The following GALNT13 variants were observed in gnomAD, a reference collection of about 807,000 sequenced individuals.
GALNT13 encodes UDP-GalNAc:polypeptide N-acetylgalactosaminyltransferase 13.
Under a neutral mutation model 64.2 loss-of-function variants are expected in GALNT13, and 28 were observed. The ratio of observed to expected loss-of-function variants is 0.44; its 90% confidence interval spans 0.32 to 0.60. The LOEUF (loss-of-function observed/expected upper bound fraction) is 0.60. GALNT13 is among the 20% of genes least tolerant of loss of function. GALNT13 has a pLI of 0.05. For missense variants in GALNT13, 577 were observed against 669.8 expected, an observed-to-expected ratio of 0.86 and a Z score of 1.53; for synonymous variants, 214 against 224.6, an observed-to-expected ratio of 0.95 and a Z score of 0.42.
chr2:153,797,233 C>G, the GALNT13 span, among the ~76,000 whole-genome samples: 2 of 152,096 alleles, frequency 1.3e-5, no homozygotes, highest in African/African-American at 4.8e-5. Flanking sequence ...GTAAAAGCAT[C>G]TAGTACTCAG....
the GALNT13 span, among the ~76,000 whole-genome samples, chr2:153,501,295 T>TTTG: frequency 2.1e-3 from 325 of 152,142 alleles, 1 homozygote; most frequent in African/African-American, 7.5e-3. Flanking sequence ...CACCTCCTTT[T>TTTG]TTGTTGTTGT....
At chr2:153,421,882 C>T in the GALNT13 span, 1 of 138,130 alleles carries the variant, frequency 7.2e-6, no homozygotes, top group Non-Finnish European at 1.4e-5. Context: ...TGCTTTGTTC[C>T]AGGTAGTAGA....
rs1175859019 is a variant in GALNT13 at position 154,375,268 on chromosome 2, T to TCAAGCC, written c.1157-20723_1157-20722insCAAGCC. On this transcript the variant is annotated intron_variant, in intron 9 of 12. Transcript: ENST00000392825. The stretch of plus-strand genomic sequence containing the variant: ...CTCCCAAAGTGCTGAGATCACAGGC[T>TCAAGCC]TGAGCCACCGCATCCAGCCAGAAAA... Among the ~76,000 whole-genome samples the TCAAGCC allele has an allele frequency of 6.0e-3, 916 of 152,202 alleles. 4 individuals are homozygous for TCAAGCC. Among genetic ancestry groups the TCAAGCC allele is most frequent in the Middle Eastern group, 0.02 (6 of 294 alleles).
chr2:153,633,251 C>A, the GALNT13 span, among the ~76,000 whole-genome samples: 1 of 152,008 alleles, frequency 6.6e-6, no homozygotes, highest in Non-Finnish European at 1.5e-5. Flanking sequence ...TTCCCCTATC[C>A]CTCAGGTTGT....
chr2:153,234,885 A>T, the GALNT13 span, among the ~76,000 whole-genome samples: 1 of 152,202 alleles, frequency 6.6e-6, no homozygotes, highest in South Asian at 2.1e-4. Context: ...AATTACAGGC[A>T]TATGCCATTT....
At chr2:153,450,173 A>G in the GALNT13 span, among the ~76,000 whole-genome samples, 1 of 152,168 alleles carries the variant, frequency 6.6e-6, no homozygotes, top group Non-Finnish European at 1.5e-5. Context: ...CAGATTAGTA[A>G]TGTGAAGCCT....
At chr2:153,596,540 T>A in the GALNT13 span, among the ~76,000 whole-genome samples, 1 of 152,048 alleles carries the variant, frequency 6.6e-6, no homozygotes, top group Non-Finnish European at 1.5e-5. Flanking sequence ...AAGATTTAAG[T>A]GGAAAGATAT....
chr2:154,042,120 G>A (rs1186215428), intron 3 of GALNT13, among the ~76,000 whole-genome samples: 1 of 140,070 alleles, frequency 7.1e-6, no homozygotes, highest in African/African-American at 2.5e-5. Flanking sequence ...AAGTCATAGA[G>A]ATTATATACT....
the GALNT13 span, among the ~76,000 whole-genome samples, chr2:153,557,915 G>C: frequency 6.6e-6 from 1 of 152,140 alleles, no homozygotes; most frequent in African/African-American, 2.4e-5. Context: ...TGTGCCCAGA[G>C]TATACCTTTT....
intron 1 of GALNT13, among the ~76,000 whole-genome samples, chr2:153,886,065 A>G (rs1466558375): frequency 1.3e-5 from 2 of 151,964 alleles, no homozygotes; most frequent in African/African-American, 4.8e-5. Context: ...CCCATAGTGT[A>G]GGATACGTAT....
At chr2:154,389,340 T>A (rs1188719233) in intron 9 of GALNT13, among the ~76,000 whole-genome samples, 1 of 152,182 alleles carries the variant, frequency 6.6e-6, no homozygotes, top group East Asian at 1.9e-4. Context: ...GGTATCACCA[T>A]CTTGGCCACG....
the GALNT13 span, among the ~76,000 whole-genome samples, chr2:153,430,936 G>A: frequency 6.6e-6 from 1 of 151,928 alleles, no homozygotes; most frequent in African/African-American, 2.4e-5. Flanking sequence ...CGGATCACAA[G>A]GTCAGGAGTT....
At chr2:154,387,881 C>G (rs1698591903) in intron 9 of GALNT13, among the ~76,000 whole-genome samples, 1 of 152,124 alleles carries the variant, frequency 6.6e-6, no homozygotes, top group South Asian at 2.1e-4. Context: ...CTGCAGTGAA[C>G]AAGCGAGTGC....
chr2:154,339,183 G>T (rs1158799945), intron 9 of GALNT13, among the ~76,000 whole-genome samples: 1 of 152,040 alleles, frequency 6.6e-6, no homozygotes, highest in Non-Finnish European at 1.5e-5. Flanking sequence ...TACTGGTGTG[G>T]ATTTCTCATA....
At chr2:153,773,123 G>C in the GALNT13 span, among the ~76,000 whole-genome samples, 1 of 152,224 alleles carries the variant, frequency 6.6e-6, no homozygotes, top group Non-Finnish European at 1.5e-5. Flanking sequence ...GTCTGGCCTG[G>C]TATTCCTTGA....
At chr2:153,702,692 A>T in the GALNT13 span, among the ~76,000 whole-genome samples, 4 of 152,180 alleles carry the variant, frequency 2.6e-5, no homozygotes, top group African/African-American at 9.7e-5. Flanking sequence ...GCTTGAAAAC[A>T]CAGTCATTCA....
chr2:154,195,412 A>G lies in GALNT13; in HGVS notation c.312-46618A>G, dbSNP rs76519945. ...TCCTTCGGGGCTCTTTCTTTTAGAC[A>G]TGATTAAACAATCCACATCAATAAA... On this transcript the variant is annotated intron_variant, in intron 4 of 12. Coordinates refer to ENST00000392825, the MANE Select transcript of GALNT13 (RefSeq NM_052917.4). Among the ~76,000 whole-genome samples, 999 of 152,284 alleles carry G rather than the reference A, an allele frequency of 6.6e-3. 11 individuals are homozygous for G. Among genetic ancestry groups the G allele is most frequent in the African/African-American group, 0.022 (902 of 41,546 alleles).
At chr2:153,184,904 G>A in the GALNT13 span, among the ~76,000 whole-genome samples, 19,768 of 152,180 alleles carry the variant, frequency 0.13, 1,592 homozygotes, top group Non-Finnish European at 0.18. Flanking sequence ...TGTTCATCAA[G>A]GATATTGGTC....
intron 9 of GALNT13, among the ~76,000 whole-genome samples, chr2:154,394,175 T>C (rs952537000): frequency 6.6e-6 from 1 of 151,148 alleles, no homozygotes; most frequent in Non-Finnish European, 1.5e-5. Flanking sequence ...TAGGACTTTA[T>C]CTTTTAGAGC....
Sources: allele counts gnomAD v4.1 joint callset (sites outside exome capture counted in the v4.1 genomes callset), GRCh38; gene constraint gnomAD v4.1.1; transcripts MANE v1.5; gene names NCBI Gene and HGNC (gene_info 2026-07-23, HGNC 2026-07-21).